The following DENND5A variants were observed in gnomAD, a reference collection of about 807,000 sequenced individuals.
DENND5A encodes DENN domain containing 5A, also known as DENN domain-containing protein 5A.
A neutral mutation model predicts 140.3 loss-of-function variants in DENND5A; 64 were observed. The observed-to-expected ratio is 0.46, with a 90% CI of 0.37 to 0.56. DENND5A has a LOEUF of 0.56. DENND5A is among the 20% of genes least tolerant of loss of function. The probability of loss-of-function intolerance (pLI) is 0.00; values close to 1 mark genes in which losing one functional copy is unlikely to be tolerated. For missense variants in DENND5A, 1,292 were observed against 1,593.8 expected (o/e 0.81, Z 3.22); for synonymous variants, 605 against 607.7 (o/e 1.00, Z 0.07).
At chr11:9,264,244 T>C (rs1590357304) in intron 1 of DENND5A, among the ~76,000 whole-genome samples, 2 of 152,154 alleles carry the variant, frequency 1.3e-5, no homozygotes, top group Admixed American at 6.6e-5. Flanking sequence ...CTTTCAAATA[T>C]GACTTGAAAC....
chr11:9,198,609 CAAAAAAA>C (rs539954795), intron 4 of DENND5A, among the ~76,000 whole-genome samples: 1 of 132,088 alleles, frequency 7.6e-6, no homozygotes, highest in South Asian at 2.3e-4. Flanking sequence ...GACTCCACCT[CAAAAAAA>C]AAAAGAAAAA....
chr11:9,184,902 A>G (rs1244917069), intron 5 of DENND5A, among the ~76,000 whole-genome samples: 1 of 152,102 alleles, frequency 6.6e-6, no homozygotes, highest in African/African-American at 2.4e-5. Context: ...AGAAAATCCA[A>G]TTTATCAGGC....
chr11:9,162,680 C>A (rs1346119005), intron 11 of DENND5A, among the ~76,000 whole-genome samples: 1 of 151,976 alleles, frequency 6.6e-6, no homozygotes, highest in Non-Finnish European at 1.5e-5. Flanking sequence ...ATATTTTTAA[C>A]CCTAAAATAT....
At chr11:9,259,521 G>A (rs763201092) in intron 1 of DENND5A, among the ~76,000 whole-genome samples, 30 of 152,054 alleles carry the variant, frequency 2.0e-4, no homozygotes, top group Non-Finnish European at 4.0e-4. Context: ...AGCCGAGATC[G>A]TGCCACTGCA....
At chr11:9,178,767 A>T in intron 7 of DENND5A, 91 bp downstream of exon 7, 1 of 1,100,878 alleles carries the variant, frequency 9.1e-7, no homozygotes, top group Non-Finnish European at 1.4e-6. Context: ...ATAATCTTCC[A>T]TTACTTCTTC....
intron 1 of DENND5A, among the ~76,000 whole-genome samples, chr11:9,247,290 C>G (rs1590334091): frequency 6.6e-6 from 1 of 151,266 alleles, no homozygotes; most frequent in African/African-American, 2.4e-5. Context: ...TTTGAACATT[C>G]AGCTGCCTCG....
At chr11:9,230,647 A>G (rs1850733199) in intron 1 of DENND5A, among the ~76,000 whole-genome samples, 1 of 152,132 alleles carries the variant, frequency 6.6e-6, no homozygotes, top group Non-Finnish European at 1.5e-5. Flanking sequence ...CTGTAGAAAC[A>G]CTAAGGGCAT....
intron 18 of DENND5A, among the ~76,000 whole-genome samples, chr11:9,144,703 C>T (rs946337427): frequency 6.6e-6 from 1 of 151,688 alleles, no homozygotes; most frequent in East Asian, 1.9e-4. Context: ...GCAGGAGAAT[C>T]GCCTCAGCCC....
At chr11:9,263,230 T>G (rs1203424724) in intron 1 of DENND5A, among the ~76,000 whole-genome samples, 1 of 151,698 alleles carries the variant, frequency 6.6e-6, no homozygotes, top group Non-Finnish European at 1.5e-5. Context: ...CCAGACAGAG[T>G]CTCGCTTTAT....
In DENND5A at chr11:9,178,184, T is replaced by C. The variant is rs551773715; in HGVS notation, c.1854A>G (p.Thr618=). The change falls in exon 8 of 23, where the codon ACA becomes ACG. Residue 618 remains threonine, a synonymous_variant. Coordinates refer to ENST00000328194, the MANE Select transcript of DENND5A (RefSeq NM_015213.4). ...VDKIRLLNVR[T]PTLRTSMYQK... is the part of the protein sequence containing the mutation. ...GGTACATGGATGTACGGAGAGTAGG[T>C]GTCCGAACATTCAACAGCCTGATCT... The C allele has an allele frequency of 1.9e-6, 3 of 1,614,198 alleles. No individual in the cohort carries two copies. The highest frequency in any genetic ancestry group is 2.2e-5 in the East Asian group (1 of 44,886).
chr11:9,169,033 G>T (rs1848279501), intron 10 of DENND5A, among the ~76,000 whole-genome samples: 1 of 151,956 alleles, frequency 6.6e-6, no homozygotes, highest in Non-Finnish European at 1.5e-5. Context: ...TGGGTTTCCA[G>T]GTACCTGATA....
intron 5 of DENND5A, among the ~76,000 whole-genome samples, chr11:9,186,002 G>A (rs1433307500): frequency 6.6e-6 from 1 of 152,170 alleles, no homozygotes; most frequent in African/African-American, 2.4e-5. Context: ...AAGGGTAGGC[G>A]TAAGTCCAGC....
In DENND5A at chr11:9,193,691, C is replaced by A. The variant is rs1457611240; in HGVS notation, c.950-10G>T. On this transcript the variant is annotated splice_polypyrimidine_tract_variant and intron_variant, in intron 4 of 22. Coordinates refer to ENST00000328194, the MANE Select transcript of DENND5A (RefSeq NM_015213.4). ...ATCAGTCTCTGGTAATCTGGGTCAA[C>A]AACAACAAAAAAAGCACACACACAA... The A allele has an allele frequency of 1.1e-5, 17 of 1,590,140 alleles. No individual in the cohort carries two copies. Among genetic ancestry groups the A allele is most frequent in the Middle Eastern group, 1.7e-4 (1 of 5,956 alleles).
At chr11:9,144,514 G>C (rs1847356033) in intron 18 of DENND5A, among the ~76,000 whole-genome samples, 1 of 152,064 alleles carries the variant, frequency 6.6e-6, no homozygotes, top group African/African-American at 2.4e-5. Flanking sequence ...CTTCTGGCTG[G>C]GCCTGATGGC....
intron 8 of DENND5A, among the ~76,000 whole-genome samples, chr11:9,173,555 A>G (rs767389913): frequency 1.2e-4 from 19 of 152,214 alleles, no homozygotes; most frequent in Non-Finnish European, 2.1e-4. Flanking sequence ...GGGTCTCATC[A>G]TGTGATCCAA....
intron 11 of DENND5A, 64 bp downstream of exon 11, chr11:9,165,772 A>T: frequency 1.3e-6 from 2 of 1,591,264 alleles, no homozygotes; most frequent in Non-Finnish European, 1.7e-6. Flanking sequence ...GGTCAGAGCC[A>T]ATCCTTGGTC....
At chr11:9,191,027 A>C (rs1266391699) in intron 5 of DENND5A, among the ~76,000 whole-genome samples, 3 of 152,012 alleles carry the variant, frequency 2.0e-5, no homozygotes, top group African/African-American at 7.3e-5. Context: ...ATGAACTAGG[A>C]CTCTGAAACC....
At chr11:9,173,713 G>C (rs1169830090) in intron 8 of DENND5A, among the ~76,000 whole-genome samples, 2 of 152,160 alleles carry the variant, frequency 1.3e-5, no homozygotes, top group African/African-American at 4.8e-5. Context: ...AAAGTAGACT[G>C]TGATAAGTTA....
At chr11:9,235,411 C>T (rs1033393076) in intron 1 of DENND5A, among the ~76,000 whole-genome samples, 8 of 152,174 alleles carry the variant, frequency 5.3e-5, no homozygotes, top group African/African-American at 1.4e-4. Context: ...GTAATCCCAG[C>T]ACTTTGGGAG....
Sources: allele counts gnomAD v4.1 joint callset (sites outside exome capture counted in the v4.1 genomes callset), GRCh38; gene constraint gnomAD v4.1.1; transcripts MANE v1.5; gene names NCBI Gene and HGNC (gene_info 2026-07-23, HGNC 2026-07-21).